The following ATP2A1 variants were observed in gnomAD, a reference collection of about 807,000 sequenced individuals.
ATP2A1 encodes the protein ATPase sarcoplasmic/endoplasmic reticulum Ca2+ transporting 1, also known as sarcoplasmic/endoplasmic reticulum calcium ATPase 1.
ATP2A1 carries 83 observed loss-of-function variants against 109.5 expected under a neutral mutation model. The observed-to-expected ratio is 0.76, with a 90% CI of 0.63 to 0.91. The LOEUF is 0.91. Among genes scored for constraint, ATP2A1 ranks in the 40% least tolerant of loss-of-function variants. The pLI, the probability that ATP2A1 is intolerant of heterozygous loss-of-function variation, is 0.00. For synonymous variants in ATP2A1, 505 were observed against 537.6 expected (o/e 0.94, Z 0.84); for missense variants, 1,101 against 1,341.0 (o/e 0.82, Z 2.80).
In ATP2A1 at chr16:28,882,518, G is replaced by A. The variant is rs1963516159; in HGVS notation, c.392G>A (p.Arg131Gln). The change falls in exon 5 of 23, where the codon CGG (arginine) becomes CAG (glutamine). Residue 131 changes from arginine to glutamine, a missense_variant. Transcript: ENST00000395503. ...EYEPEMGKVYRADRKSVQRIK... is the reference protein window; with the variant it reads ...EYEPEMGKVYQADRKSVQRIK... ...GAGCCAGAGATGGGGAAGGTCTACC[G>A]GGCTGACCGCAAGTCAGTGCAAAGG... is the stretch of plus-strand genomic sequence containing the variant. 3.1e-6 allele frequency: 5 copies of A among 1,614,198 alleles called. No homozygotes were observed. Among genetic ancestry groups the A allele is most frequent in the Non-Finnish European group, 4.2e-6 (5 of 1,180,026 alleles).
intron 12 of ATP2A1, among the ~76,000 whole-genome samples, chr16:28,895,490 T>G (rs1176736991): frequency 6.6e-6 from 1 of 152,116 alleles, no homozygotes; most frequent in Non-Finnish European, 1.5e-5. Flanking sequence ...TTTCTCTCTT[T>G]TTTTGTATAT....
intron 5 of ATP2A1, among the ~76,000 whole-genome samples, 178 bp downstream of exon 5, chr16:28,882,767 G>A (rs965683573): frequency 1.3e-5 from 2 of 152,164 alleles, no homozygotes; most frequent in East Asian, 1.9e-4. Flanking sequence ...CCTCCCCAGC[G>A]GAGTCTCAGC....
rs777228802 is a variant in ATP2A1, at chr16:28,902,631, C to G, written c.2576C>G (p.Ala859Gly). ...GCAGCTGCCTGGTGGTTCCTGTACG[C>G]TGAGGATGGGCCTCATGTCAACTAC... Reference protein sequence around the residue: ...VGAAAWWFLYAEDGPHVNYSQ... With the variant: ...VGAAAWWFLYGEDGPHVNYSQ... The change falls in exon 18 of 23, where the codon GCT (alanine) becomes GGT (glycine). Residue 859 changes from alanine (A) to glycine (G), a missense_variant. Coordinates refer to ENST00000395503, the MANE Select transcript of ATP2A1 (RefSeq NM_004320.6). This position sits in a 1 kb window ranked among gnomAD's most constrained non-coding sequence, Gnocchi z 4.8. 1 of 1,614,078 alleles carries G rather than the reference C, an allele frequency of 6.2e-7. No individual in the cohort carries two copies. The highest frequency in any genetic ancestry group is 8.5e-7 in the Non-Finnish European group (1 of 1,179,978).
In ATP2A1 at chr16:28,902,070, G is replaced by C; in HGVS notation, c.2308G>C (p.Gly770Arg). Residue 770 changes from glycine (G) to arginine (R), a missense_variant, in exon 16 of 23, where the codon GGC becomes CGC. Coordinates refer to ENST00000395503, the MANE Select transcript of ATP2A1 (RefSeq NM_004320.6). The surrounding 1 kb of genome is among the most constrained non-coding windows in gnomAD (Gnocchi z 4.8). ...FIRYLISSNV[G>R]EVVCIFLTAA... ...CCGCTACCTCATTTCCTCCAACGTG[G>C]GCGAGGTGGTCTGGTGAGCAGCTGG... The C allele has an allele frequency of 6.2e-7, 1 of 1,614,238 alleles. No individual in the cohort carries two copies. Among genetic ancestry groups the C allele is most frequent in the Non-Finnish European group, 8.5e-7 (1 of 1,180,040 alleles).
chr16:28,898,312 A>G lies in ATP2A1; in HGVS notation c.1625A>G (p.Lys542Arg). 2 of 1,614,230 alleles carry G rather than the reference A, an allele frequency of 1.2e-6. No individual in the cohort carries two copies. The highest frequency in any genetic ancestry group is 2.2e-5 in the East Asian group (1 of 44,892). ...TTRVPLTGPV[K>R]EKIMAVIKEW... ...CGGGTGCCACTGACGGGGCCGGTGA[A>G]GGAAAAGATCATGGCGGTGATCAAG... Residue 542 changes from lysine (K) to arginine (R), a missense_variant, in exon 14 of 23, where the codon AAG (lysine) becomes AGG (arginine). Physicochemically the swap from Lys to Arg is conservative, Grantham distance 26. Coordinates refer to ENST00000395503, the MANE Select transcript of ATP2A1 (RefSeq NM_004320.6). This position sits in a 1 kb window ranked among gnomAD's most constrained non-coding sequence, Gnocchi z 4.0.
intron 14 of ATP2A1, among the ~76,000 whole-genome samples, chr16:28,899,997 G>C (rs1432468589): frequency 7.2e-6 from 1 of 139,578 alleles, no homozygotes; most frequent in Admixed American, 7.2e-5. Context: ...ACAAAAAAAA[G>C]GAAAGACACG....
At chr16:28,896,218 TTG>T (rs1963912555) in intron 12 of ATP2A1, among the ~76,000 whole-genome samples, 1 of 152,120 alleles carries the variant, frequency 6.6e-6, no homozygotes, top group Admixed American at 6.6e-5. Context: ...TTTTGTTTGT[TTG>T]TTTGTTTGTT....
Position 28,879,132 on chromosome 16 carries a change from C to T in ATP2A1, c.136+16C>T. On this transcript the variant is annotated intron_variant, in intron 2 of 22. Transcript: ENST00000395503. ...GCTGAGGAAGGTAAGTTACTGGAAT[C>T]CCTGAACTCTCATAAATGACCACCC... 6.2e-7 allele frequency: 1 copy of T among 1,614,030 alleles called. No homozygotes were observed. The highest frequency in any genetic ancestry group is 8.5e-7 in the Non-Finnish European group (1 of 1,179,934).
At chr16:28,897,192 C>A (rs1281236872) in intron 12 of ATP2A1, among the ~76,000 whole-genome samples, 2 of 152,154 alleles carry the variant, frequency 1.3e-5, no homozygotes, top group South Asian at 4.1e-4. Context: ...CATAACATTT[C>A]TATCATTACT....
At chr16:28,889,328 C>T (rs1278122195) in intron 9 of ATP2A1, among the ~76,000 whole-genome samples, 1 of 152,106 alleles carries the variant, frequency 6.6e-6, no homozygotes, top group Non-Finnish European at 1.5e-5. Flanking sequence ...GTGATCTTGG[C>T]TCACTGCAAC....
chr16:28,879,372 T>G, intron 2 of ATP2A1, 129 bp from the exon 3 acceptor site: 2 of 974,664 alleles, frequency 2.1e-6, no homozygotes, highest in Non-Finnish European at 3.3e-6. Flanking sequence ...TTAGCCCTTC[T>G]CTGGGCACCA....
At chr16:28,900,476 C>T (rs1354406759) in intron 14 of ATP2A1, 105 bp from the exon 15 acceptor site, 2 of 977,652 alleles carry the variant, frequency 2.0e-6, no homozygotes, top group Non-Finnish European at 2.9e-6. Context: ...CACCCCTCCC[C>T]ACCACTTCCT....
intron 6 of ATP2A1, 33 bp downstream of exon 6, chr16:28,884,688 G>T (rs1341631712): frequency 1.3e-6 from 2 of 1,582,378 alleles, no homozygotes; most frequent in South Asian, 1.1e-5. Flanking sequence ...ATGCATGGGG[G>T]TGGGACGTGG....
In ATP2A1 at chr16:28,904,271, AC is replaced by A; in HGVS notation, c.*134del. The A allele has an allele frequency of 6.2e-7, 1 of 1,612,024 alleles. No individual in the cohort carries two copies. The highest frequency in any genetic ancestry group is 8.5e-7 in the Non-Finnish European group (1 of 1,179,142). Reference sequence around the variant, plus strand: ...ATCTTCAGGCAGAGCTGTGGCACAGACCCCCGTCCTGTCCCCCACACCCGTG... The same window carrying A: ...ATCTTCAGGCAGAGCTGTGGCACAGACCCCGTCCTGTCCCCCACACCCGTG... On this transcript the variant is annotated 3_prime_UTR_variant, in exon 23 of 23. Transcript: ENST00000395503.
Position 28,883,475 on chromosome 16 carries a change from C to T in ATP2A1, c.463+886C>T, listed in dbSNP as rs1034671153. Among the ~76,000 whole-genome samples, 5 of 152,182 alleles carry T rather than the reference C, an allele frequency of 3.3e-5. No individual in the cohort carries two copies. Among genetic ancestry groups the T allele is most frequent in the African/African-American group, 1.2e-4 (5 of 41,440 alleles). ...CGCCCGACTCTATCCCGACCTCCCT[C>T]CTCCCTCCTCGGTCCATTTCCTCTG... On this transcript the variant is annotated intron_variant, in intron 5 of 22. Transcript: ENST00000395503. The surrounding 1 kb of genome is among the most constrained non-coding windows in gnomAD (Gnocchi z 5.2).
chr16:28,888,007 T>A (rs921105194), intron 8 of ATP2A1, among the ~76,000 whole-genome samples: 12 of 152,052 alleles, frequency 7.9e-5, no homozygotes, highest in Admixed American at 3.3e-4. Flanking sequence ...TTCACCGTGT[T>A]AGCCAGGATG....
At position 28,887,409 on chromosome 16, in the gene ATP2A1, C is replaced by G; in HGVS notation, c.631-16C>G. On this transcript the variant is annotated splice_polypyrimidine_tract_variant and intron_variant, in intron 7 of 22. Transcript: ENST00000395503. ...CACCTCTTGCCTGATTCCCTGCCTC[C>G]TCTTTCCCTTCCCAGGGCACCAACA... 6.2e-7 allele frequency: 1 copy of G among 1,614,028 alleles called. No individual in the cohort carries two copies. Among genetic ancestry groups the G allele is most frequent in the Non-Finnish European group, 8.5e-7 (1 of 1,180,010 alleles).
In ATP2A1 at chr16:28,894,165, T is replaced by C. The variant is rs373299536; in HGVS notation, c.1106T>C (p.Ile369Thr). ...CCTTCTCCCCTGCAGATGTTTATCATTGACAAGGTGGATGGGGACATCTGC... is the reference window on the plus strand; with the variant it reads ...CCTTCTCCCCTGCAGATGTTTATCACTGACAAGGTGGATGGGGACATCTGC... Reference protein sequence around the residue: ...NQMSVCKMFIIDKVDGDICLL... With the variant: ...NQMSVCKMFITDKVDGDICLL... Residue 369 changes from isoleucine to threonine, a missense_variant, in exon 10 of 23, where the codon ATT (isoleucine) becomes ACT (threonine). Transcript: ENST00000395503. The C allele has an allele frequency of 5.8e-5, 93 of 1,613,906 alleles. No homozygotes were observed. The Admixed American group carries it at 9.5e-4, about 16-fold the overall frequency.
intron 8 of ATP2A1, 101 bp downstream of exon 8, chr16:28,887,823 T>C (rs957509933): frequency 4.6e-5 from 67 of 1,453,266 alleles, no homozygotes; most frequent in Non-Finnish European, 6.1e-5. Context: ...TTTTTTGAGA[T>C]GGAGTCTTGC....
Sources: gnomAD v4.1 joint callset for allele counts (sites outside exome capture counted in the v4.1 genomes callset) on GRCh38, gnomAD v4.1.1 for gene constraint, Gnocchi (gnomAD v3.1) non-coding constraint, MANE v1.5 for transcripts, NCBI Gene and HGNC (gene_info 2026-07-23, HGNC 2026-07-21) for gene names.